The following FLT1 variants were observed in gnomAD, a reference collection of about 807,000 sequenced individuals.
FLT1 encodes the protein fms related receptor tyrosine kinase 1.
A neutral mutation model predicts 156.3 loss-of-function variants in FLT1; 49 were observed. That is an observed-to-expected ratio of 0.31 (90% CI 0.25 to 0.40). The LOEUF is 0.40. Ranked by LOEUF, FLT1 falls within the 10% of genes least tolerant of loss-of-function variation. The pLI is 1.00. For synonymous variants in FLT1, 594 were observed against 583.8 expected, an observed-to-expected ratio of 1.02 and a Z score of -0.25; for missense variants, 1,322 against 1,637.2, an observed-to-expected ratio of 0.81 and a Z score of 3.32.
intron 23 of FLT1, 130 bp downstream of exon 23, chr13:28,321,333 C>G: frequency 8.8e-7 from 1 of 1,136,606 alleles, no homozygotes; most frequent in Non-Finnish European, 1.3e-6. Flanking sequence ...CTCATCTGGA[C>G]TGTTTGTCTT....
chr13:28,384,632 A>G (rs1386283456), intron 14 of FLT1, among the ~76,000 whole-genome samples: 2 of 152,260 alleles, frequency 1.3e-5, no homozygotes, highest in Non-Finnish European at 2.9e-5. Context: ...TTCTTTCTGA[A>G]TGCACTATTT....
chr13:28,306,700 G>A lies in FLT1; in HGVS notation c.3793C>T (p.Pro1265Ser), dbSNP rs1870765304. 6.2e-7 allele frequency: 1 copy of A among 1,613,456 alleles called. No individual in the cohort carries two copies. Among genetic ancestry groups the A allele is most frequent in the Admixed American group, 1.7e-5 (1 of 59,998 alleles). ...TACTCAATCTTGAGCGAGGCCTTGGGTTTGCTGTCAGTCCAGGTGAAGCGC... is the reference window on the plus strand; with the variant it reads ...TACTCAATCTTGAGCGAGGCCTTGGATTTGCTGTCAGTCCAGGTGAAGCGC... ...LKRFTWTDSK[P>S]KASLKIDLRV... The change falls in exon 29 of 30, where the codon CCC becomes TCC. Residue 1265 changes from proline (P) to serine (S), a missense_variant. Coordinates refer to ENST00000282397, the MANE Select transcript of FLT1 (RefSeq NM_002019.4).
rs78895733 is a variant in FLT1, at chr13:28,381,160, T to A, written c.2116+3725A>T. On this transcript the variant is annotated intron_variant, in intron 14 of 29. Transcript: ENST00000282397. ...TAACCCACTTCCAAATTATAAAAAC[T>A]GAACTTATTTCACATTTACTTCTTT... Among the ~76,000 whole-genome samples, 1,154 of 152,328 alleles carry A rather than the reference T, an allele frequency of 7.6e-3. 15 individuals carry two copies. The highest frequency in any genetic ancestry group is 0.026 in the African/African-American group (1,070 of 41,568).
chr13:28,362,607 C>T (rs182275279), intron 14 of FLT1, among the ~76,000 whole-genome samples: 2 of 152,184 alleles, frequency 1.3e-5, no homozygotes, highest in Admixed American at 6.5e-5. Context: ...TCGCTTGAGC[C>T]TAGGAGTTCG....
intron 7 of FLT1, 152 bp downstream of exon 7, chr13:28,430,984 T>C (rs1593784868): frequency 1.4e-6 from 1 of 702,844 alleles, no homozygotes; most frequent in East Asian, 2.6e-5. Flanking sequence ...TGGTTTGCTT[T>C]TTGACAGGGG....
rs2137539569 is a variant in FLT1 at position 28,427,759 on chromosome 13, A to T, written c.1269T>A (p.Ile423=). ...NVFKNLTATL[I]VNVKPQIYEK... ...TATGAACAGCAAACTTACCATTGAC[A>T]ATTAGAGTGGCAGTGAGGTTTTTAA... The change falls in exon 9 of 30, where the codon ATT becomes ATA. Residue 423 remains isoleucine (I), a synonymous_variant. Transcript: ENST00000282397. The T allele has an allele frequency of 6.2e-7, 1 of 1,613,850 alleles. No homozygotes were observed. The highest frequency in any genetic ancestry group is 2.2e-5 in the East Asian group (1 of 44,876).
At position 28,450,426 on chromosome 13, in the gene FLT1, T is replaced by C. The variant is rs543275038; in HGVS notation, c.389-12081A>G. Reference sequence around the variant, plus strand: ...TCACACTAAGCTGGCTGGCGGTTTCTAGGTTCTGTTAACCAGATGACTGAC... The same window carrying C: ...TCACACTAAGCTGGCTGGCGGTTTCCAGGTTCTGTTAACCAGATGACTGAC... On this transcript the variant is annotated intron_variant, in intron 3 of 29. Coordinates refer to ENST00000282397, the MANE Select transcript of FLT1 (RefSeq NM_002019.4). 3.3e-5 allele frequency among the ~76,000 whole-genome samples: 5 copies of C among 152,302 alleles called. 1 individual carries two copies. The South Asian group carries it at 1.0e-3, about 32-fold the overall frequency.
chr13:28,309,965 C>T (rs150041328), intron 27 of FLT1, among the ~76,000 whole-genome samples: 1,814 of 142,958 alleles, frequency 0.013, 33 homozygotes, highest in African/African-American at 0.044. Flanking sequence ...TCTCGGCTCA[C>T]TGAAACCTCC....
At chr13:28,414,250 G>T (rs1026622320) in intron 10 of FLT1, among the ~76,000 whole-genome samples, 2 of 152,084 alleles carry the variant, frequency 1.3e-5, no homozygotes, top group Admixed American at 6.5e-5. Context: ...ACTTCTTCTC[G>T]CTCTTGACAA....
At chr13:28,473,835 A>G (rs60650100) in intron 1 of FLT1, among the ~76,000 whole-genome samples, 9,788 of 117,528 alleles carry the variant, frequency 0.083, 639 homozygotes, top group South Asian at 0.16. Context: ...AGAAAGAAAG[A>G]AAGGAAGAAA....
chr13:28,374,611 A>G (rs1383392589), intron 14 of FLT1, among the ~76,000 whole-genome samples: 4 of 151,518 alleles, frequency 2.6e-5, no homozygotes, highest in Admixed American at 6.6e-5. Context: ...TCCCAGGTTC[A>G]TGCCATTCTC....
Position 28,357,651 on chromosome 13 carries a change from A to T in FLT1, c.2151T>A (p.Phe717Leu). ...CATCCTCTTCTGTGACTCTTTCAAT[A>T]AACAGCGTGCTGCTTCCTGGTCCTA... is the stretch of plus-strand genomic sequence containing the variant. ...IILGPGSSTLFIERVTEEDEG... is the reference protein window; with the variant it reads ...IILGPGSSTLLIERVTEEDEG... Residue 717 changes from phenylalanine (F) to leucine (L), a missense_variant, in exon 15 of 30, where the codon TTT (phenylalanine) becomes TTA (leucine). Phe to Leu is a conservative substitution (Grantham distance 22). Around this residue, in one of 3 missense-constraint regions of FLT1, gnomAD observed 991 missense variants for 1,254.8 expected, o/e 0.79. Transcript: ENST00000282397. 2 of 1,613,798 alleles carry T rather than the reference A, an allele frequency of 1.2e-6. No homozygotes were observed. Among genetic ancestry groups the T allele is most frequent in the Non-Finnish European group, 1.7e-6 (2 of 1,179,748 alleles).
chr13:28,395,949 C>T (rs1031717064), intron 12 of FLT1, among the ~76,000 whole-genome samples: 3 of 152,202 alleles, frequency 2.0e-5, no homozygotes, highest in African/African-American at 7.2e-5. Flanking sequence ...TGGGTTGAGA[C>T]AGTAACTTGT....
At position 28,300,508 on chromosome 13, in the gene FLT1, AACAC is replaced by A. The variant is rs1175532635; in HGVS notation, c.*2655_*2658del. ...AGTTTCCTTAAATAGTTATGCACAA[AACAC>A]ACATACACCCACACACACACACACA... is the stretch of plus-strand genomic sequence containing the variant. On this transcript the variant is annotated 3_prime_UTR_variant, in exon 30 of 30. Coordinates refer to ENST00000282397, the MANE Select transcript of FLT1 (RefSeq NM_002019.4). 5.1e-6 allele frequency: 1 copy of A among 194,938 alleles called. No individual in the cohort carries two copies. Among genetic ancestry groups the A allele is most frequent in the Non-Finnish European group, 9.3e-6 (1 of 107,346 alleles). 12.1% of individuals were successfully genotyped at this position (194,938 alleles called of 1,614,324 possible).
chr13:28,473,667 A>AG (rs1880310422), intron 1 of FLT1, among the ~76,000 whole-genome samples: 3 of 128,308 alleles, frequency 2.3e-5, no homozygotes, highest in African/African-American at 1.1e-4. Flanking sequence ...GAAAGAAAGA[A>AG]AGAAAGAGAG....
intron 3 of FLT1, among the ~76,000 whole-genome samples, chr13:28,462,709 A>G (rs1391394426): frequency 1.3e-5 from 2 of 152,124 alleles, no homozygotes; most frequent in Non-Finnish European, 2.9e-5. Context: ...CCCTTCCAGG[A>G]TTCTGAGTGT....
chr13:28,376,868 G>C (rs1043885478), intron 14 of FLT1, among the ~76,000 whole-genome samples: 8 of 152,158 alleles, frequency 5.3e-5, no homozygotes, highest in Non-Finnish European at 1.0e-4. Context: ...CAGGGTCAAG[G>C]GTTCTCCAAG....
rs1442688963 is a variant in FLT1 at position 28,311,688 on chromosome 13, A to G, written c.3537T>C (p.Asn1179=). The change falls in exon 27 of 30, where the codon AAT becomes AAC. Residue 1179 remains asparagine, a synonymous_variant. Coordinates refer to ENST00000282397, the MANE Select transcript of FLT1 (RefSeq NM_002019.4). ...CAGGAGTTGAGTATGTAAACCCACT[A>G]TTTCCTGTCAGTATGGCATTGATTG... ...YIPINAILTG[N]SGFTYSTPAF... 1 of 1,613,762 alleles carries G rather than the reference A, an allele frequency of 6.2e-7. No individual in the cohort carries two copies. The highest frequency in any genetic ancestry group is 8.5e-7 in the Non-Finnish European group (1 of 1,179,874).
At chr13:28,344,791 A>ATT (rs1872498183) in intron 16 of FLT1, among the ~76,000 whole-genome samples, 1 of 49,530 alleles carries the variant, frequency 2.0e-5, no homozygotes. Flanking sequence ...TGGGGCCTTT[A>ATT]CTTTTTTTTT....
Sources: gnomAD v4.1 joint callset for allele counts (sites outside exome capture counted in the v4.1 genomes callset) on GRCh38, gnomAD v4.1.1 for gene constraint, gnomAD v4.1.1 regional missense constraint, MANE v1.5 for transcripts, NCBI Gene and HGNC (gene_info 2026-07-23, HGNC 2026-07-21) for gene names.